The following ZNF33B variants were observed in gnomAD, a reference collection of about 807,000 sequenced individuals.
ZNF33B encodes the protein zinc finger protein 11b (KOX 2).
A neutral mutation model predicts 45.8 loss-of-function variants in ZNF33B; 29 were observed. That is an observed-to-expected ratio of 0.63 (90% CI 0.47 to 0.86). The LOEUF (loss-of-function observed/expected upper bound fraction) is 0.86, where lower values mean the gene tolerates loss of function less well. Among genes scored for constraint, ZNF33B ranks in the 40% least tolerant of loss-of-function variants. The pLI, the probability that ZNF33B is intolerant of heterozygous loss-of-function variation, is 0.00. For missense variants in ZNF33B, 831 were observed against 909.9 expected (o/e 0.91, Z 1.12); for synonymous variants, 305 against 307.8 (o/e 0.99, Z 0.10).
downstream of ZNF33B, among the ~76,000 whole-genome samples, chr10:42,585,279 G>A (rs1469990050): frequency 6.6e-6 from 1 of 152,186 alleles, no homozygotes; most frequent in Non-Finnish European, 1.5e-5. Flanking sequence ...GAGCCAAAGT[G>A]TTTTTATAAT....
intron 1 of ZNF33B, among the ~76,000 whole-genome samples, chr10:42,581,422 C>T (rs1050984116): frequency 2.0e-5 from 3 of 146,546 alleles, no homozygotes; most frequent in Admixed American, 1.4e-4. Flanking sequence ...CCAGATCGCA[C>T]CATTGCACTC....
In ZNF33B at chr10:42,593,804, C is replaced by T. The variant is rs1166732359; in HGVS notation, c.1146G>A (p.Glu382=). ...LTKHQRSHTG[E]KPFECNECGK... ...CACATTCATTGCATTCAAAAGGTTT[C>T]TCCCCTGTGTGTGATCTCTGATGTT... The change falls in exon 5 of 5, where the codon GAG becomes GAA. Residue 382 remains glutamate, a synonymous_variant. Coordinates refer to ENST00000359467, the MANE Select transcript of ZNF33B (RefSeq NM_006955.3). 2.5e-6 allele frequency: 4 copies of T among 1,614,036 alleles called. No homozygotes were observed. The South Asian group carries it at 4.4e-5, about 18-fold the overall frequency.
chr10:42,622,161 C>T (rs1838619405), intron 4 of ZNF33B, among the ~76,000 whole-genome samples: 1 of 152,080 alleles, frequency 6.6e-6, no homozygotes, highest in Non-Finnish European at 1.5e-5. Flanking sequence ...CTAAAAACTA[C>T]AAAATACTGA....
intron 4 of ZNF33B, among the ~76,000 whole-genome samples, chr10:42,630,859 T>C (rs115501924): frequency 0.017 from 2,610 of 152,288 alleles, 79 homozygotes; most frequent in African/African-American, 0.059. Flanking sequence ...CTTTGGACTC[T>C]AGCTGCCTCC....
At chr10:42,577,841 A>G (rs532332548) in intron 1 of ZNF33B, among the ~76,000 whole-genome samples, 89 of 152,334 alleles carry the variant, frequency 5.8e-4, no homozygotes, top group African/African-American at 2.1e-3. Context: ...AACTCCCTAT[A>G]AAGTGAGAAT....
downstream of ZNF33B, among the ~76,000 whole-genome samples, chr10:42,587,731 A>G (rs1836964259): frequency 6.6e-6 from 1 of 152,214 alleles, no homozygotes; most frequent in African/African-American, 2.4e-5. Flanking sequence ...ATGCTCAGGC[A>G]CACTGGCGAG....
intron 4 of ZNF33B, among the ~76,000 whole-genome samples, chr10:42,599,275 CT>C (rs1256250838): frequency 6.6e-6 from 1 of 152,158 alleles, no homozygotes; most frequent in Admixed American, 6.5e-5. Flanking sequence ...ATTTTCTCAA[CT>C]GTTTTTCTGG....
intron 2 of ZNF33B, among the ~76,000 whole-genome samples, chr10:42,636,368 G>A (rs1839300111): frequency 6.6e-6 from 1 of 152,198 alleles, no homozygotes; most frequent in African/African-American, 2.4e-5. Flanking sequence ...CAGTTTGTCT[G>A]TATCCATATC....
intron 4 of ZNF33B, among the ~76,000 whole-genome samples, chr10:42,607,045 G>A (rs1366162643): frequency 6.6e-6 from 1 of 152,054 alleles, no homozygotes; most frequent in East Asian, 1.9e-4. Flanking sequence ...GAGCATTTGA[G>A]ATTTTCAGAT....
intron 4 of ZNF33B, among the ~76,000 whole-genome samples, chr10:42,609,464 A>C (rs1293697476): frequency 6.6e-6 from 1 of 152,180 alleles, no homozygotes; most frequent in African/African-American, 2.4e-5. Flanking sequence ...ACAAAAACAA[A>C]AACAAAACCC....
intron 4 of ZNF33B, among the ~76,000 whole-genome samples, chr10:42,595,147 A>G (rs1351175682): frequency 6.6e-6 from 1 of 152,226 alleles, no homozygotes; most frequent in Admixed American, 6.5e-5. Context: ...ATTCAAATAC[A>G]GCAAAAAGTG....
At chr10:42,637,863 G>T (rs559747652) in intron 1 of ZNF33B, among the ~76,000 whole-genome samples, 8 of 152,242 alleles carry the variant, frequency 5.3e-5, no homozygotes, top group African/African-American at 1.9e-4. Flanking sequence ...ATGTTGGTCA[G>T]GCTGGTCTCG....
chr10:42,583,845 TTC>T (rs1836873555), intron 1 of ZNF33B, among the ~76,000 whole-genome samples: 1 of 152,046 alleles, frequency 6.6e-6, no homozygotes, highest in South Asian at 2.1e-4. Context: ...CTCTTACGTC[TTC>T]TGACATCCTT....
rs1837170356 is a variant in ZNF33B at position 42,592,470 on chromosome 10, CCTA to C, written c.*140_*142del. The C allele has an allele frequency of 8.4e-7, 1 of 1,193,736 alleles. No individual in the cohort carries two copies. Among genetic ancestry groups the C allele is most frequent in the Non-Finnish European group, 1.2e-6 (1 of 844,282 alleles). 73.9% of individuals were successfully genotyped at this position (1,193,736 alleles called of 1,614,324 possible). On this transcript the variant is annotated 3_prime_UTR_variant, in exon 5 of 5. Coordinates refer to ENST00000359467, the MANE Select transcript of ZNF33B (RefSeq NM_006955.3). ...GTTGTTGTAGTCTATGGGTTTATCC[CCTA>C]CTGTTACTTTGGAGTAACATAAGGC... is the stretch of plus-strand genomic sequence containing the variant.
intron 4 of ZNF33B, among the ~76,000 whole-genome samples, chr10:42,629,805 A>C (rs191420707): frequency 7.9e-5 from 12 of 152,238 alleles, no homozygotes; most frequent in Admixed American, 7.8e-4. Flanking sequence ...GTTTATTTAT[A>C]GTGTTTCTAA....
chr10:42,584,333 C>T (rs1836885714), downstream of ZNF33B, among the ~76,000 whole-genome samples: 2 of 152,142 alleles, frequency 1.3e-5, no homozygotes, highest in African/African-American at 2.4e-5. Context: ...TCTGGTCATC[C>T]TGAGCAAGGA....
rs113133960 is a variant in ZNF33B, at chr10:42,620,571, T to G, written c.250+11358A>C. Among the ~76,000 whole-genome samples, 1,352 of 152,020 alleles carry G rather than the reference T, an allele frequency of 8.9e-3. 15 individuals carry two copies. Among genetic ancestry groups the G allele is most frequent in the African/African-American group, 0.031 (1,276 of 41,484 alleles). ...CGCACACCACCACACCCAACTATTT[T>G]TTTTTTTTTAATTTTTTTTGTAGAA... On this transcript the variant is annotated intron_variant, in intron 4 of 4. Transcript: ENST00000359467.
intron 4 of ZNF33B, among the ~76,000 whole-genome samples, chr10:42,626,013 A>G (rs1411922317): frequency 6.6e-6 from 1 of 152,258 alleles, no homozygotes; most frequent in Non-Finnish European, 1.5e-5. Context: ...TATCTGCTAT[A>G]GATATTTTGT....
At chr10:42,616,846 C>T (rs947367273) in intron 4 of ZNF33B, among the ~76,000 whole-genome samples, 16 of 151,940 alleles carry the variant, frequency 1.1e-4, no homozygotes, top group African/African-American at 3.9e-4. Flanking sequence ...CAGGTGCGCA[C>T]CATCATGCCC....
Sources: allele counts gnomAD v4.1 joint callset (sites outside exome capture counted in the v4.1 genomes callset), GRCh38; gene constraint gnomAD v4.1.1; transcripts MANE v1.5; gene names NCBI Gene and HGNC (gene_info 2026-07-23, HGNC 2026-07-21).